Variants in RUVBL1 observed in about 807,000 individuals in gnomAD.
The protein encoded by RUVBL1 is ruvB-like 1.
In RUVBL1, 4 loss-of-function variants were observed where a neutral mutation model predicts 52.4. That is an observed-to-expected ratio of 0.08 (90% CI 0.04 to 0.17). The LOEUF is 0.17. RUVBL1 is among the 10% of genes least tolerant of loss of function. RUVBL1 has a pLI of 1.00. For synonymous variants in RUVBL1, 217 were observed against 214.4 expected (o/e 1.01, Z -0.10); for missense variants, 298 against 572.8 (o/e 0.52, Z 4.90).
intron 1 of RUVBL1, 26 bp from the exon 2 acceptor site, chr3:128,119,440 A>G: frequency 1.3e-6 from 2 of 1,568,142 alleles, no homozygotes; most frequent in Non-Finnish European, 1.8e-6. Context: ...GAAAGAAATA[A>G]TAAATCAATA....
intron 1 of RUVBL1, among the ~76,000 whole-genome samples, chr3:128,143,441 G>C (rs368825072): frequency 5.3e-5 from 8 of 152,164 alleles, no homozygotes; most frequent in Admixed American, 2.0e-4. Context: ...AAAGTGCTGG[G>C]ATTACAGGCG....
At chr3:128,080,102 T>C (rs530950074), downstream of RUVBL1, among the ~76,000 whole-genome samples, 1 of 152,340 alleles carries the variant, frequency 6.6e-6, no homozygotes, top group East Asian at 1.9e-4. Flanking sequence ...CACTTGCCCT[T>C]GCTGCTTACT....
At chr3:128,118,188 T>C (rs1262446030) in intron 2 of RUVBL1, among the ~76,000 whole-genome samples, 1 of 152,214 alleles carries the variant, frequency 6.6e-6, no homozygotes, top group African/African-American at 2.4e-5. Flanking sequence ...GACAAGCTAA[T>C]GTTGCCTGGA....
intron 3 of RUVBL1, among the ~76,000 whole-genome samples, chr3:128,105,859 C>CCT (rs796203012): frequency 7.2e-6 from 1 of 138,134 alleles, no homozygotes; most frequent in African/African-American, 2.7e-5. Flanking sequence ...CTTTCTTTCC[C>CCT]TTTTTCTTTT....
exon 1 of RUVBL1, chr3:128,153,569 C>A: frequency 6.5e-7 from 1 of 1,541,102 alleles, no homozygotes; most frequent in East Asian, 2.5e-5. Flanking sequence ...AGCGGCAAGA[C>A]GGCGCTGGCG....
At chr3:128,089,814 G>T (rs897658940) in intron 8 of RUVBL1, among the ~76,000 whole-genome samples, 1 of 147,298 alleles carries the variant, frequency 6.8e-6, no homozygotes, top group African/African-American at 2.5e-5. Context: ...GGAAGCTAAG[G>T]CATGAGAATC....
At chr3:128,078,374 AG>A (rs1174128462), downstream of RUVBL1, among the ~76,000 whole-genome samples, 1 of 152,362 alleles carries the variant, frequency 6.6e-6, no homozygotes, top group East Asian at 1.9e-4. Context: ...TGAGAAAATG[AG>A]GCAGGGCACA....
chr3:128,098,945 C>G lies in RUVBL1; in HGVS notation c.754G>C (p.Gly252Arg), dbSNP rs1344459408. ...DLDVANARPQ[G>R]GQDILSMMGQ... ...ATCATGGACAGGATATCTTGTCCCC[C>G]CTGCATAAGAGAAGACTTAGAGTCA... The change falls in exon 7 of 11, where the codon GGG (glycine) becomes CGG (arginine). Residue 252 changes from glycine to arginine, a missense_variant and splice_region_variant. By Grantham distance (125) the Gly-to-Arg change is moderately radical. Coordinates refer to ENST00000322623, the MANE Select transcript of RUVBL1 (RefSeq NM_003707.3). The G allele has an allele frequency of 6.2e-7, 1 of 1,613,324 alleles. No individual in the cohort carries two copies. Among genetic ancestry groups the G allele is most frequent in the Admixed American group, 1.7e-5 (1 of 60,022 alleles).
intron 9 of RUVBL1, among the ~76,000 whole-genome samples, chr3:128,085,835 C>A (rs1017168918): frequency 3.9e-5 from 6 of 152,190 alleles, no homozygotes; most frequent in African/African-American, 1.4e-4. Context: ...CCTCATGAAT[C>A]CTAATGACAA....
intron 1 of RUVBL1, among the ~76,000 whole-genome samples, chr3:128,146,503 C>G (rs534077391): frequency 7.0e-6 from 1 of 142,506 alleles, no homozygotes; most frequent in Non-Finnish European, 1.5e-5. Context: ...GCTGTGAGCA[C>G]GTGTGTGTGC....
At chr3:128,075,132 G>C (rs1172559944) in intron 9 of RUVBL1, 1 of 152,198 alleles carries the variant, frequency 6.6e-6, no homozygotes, top group Non-Finnish European at 1.5e-5. Flanking sequence ...AGTGGAAAGA[G>C]CAAGGTCCTA....
At chr3:128,074,701 G>A (rs1241143352) in intron 9 of RUVBL1, among the ~76,000 whole-genome samples, 2 of 151,966 alleles carry the variant, frequency 1.3e-5, no homozygotes, top group African/African-American at 4.8e-5. Context: ...AATTAGCTGG[G>A]TGTGGTGGCA....
intron 9 of RUVBL1, among the ~76,000 whole-genome samples, chr3:128,073,286 GC>G (rs1942222011): frequency 6.6e-6 from 1 of 152,100 alleles, no homozygotes; most frequent in Admixed American, 6.5e-5. Context: ...CTGGCACTCC[GC>G]TCCATCCATG....
intron 1 of RUVBL1, among the ~76,000 whole-genome samples, chr3:128,150,814 TTATATATTC>T (rs1414516534): frequency 1.1e-5 from 1 of 91,004 alleles, no homozygotes; most frequent in Non-Finnish European, 2.0e-5. Context: ...ATTCTATATA[TTATATATTC>T]TATATATTAT....
At chr3:128,076,599 C>T (rs1233443099), downstream of RUVBL1, among the ~76,000 whole-genome samples, 1 of 152,138 alleles carries the variant, frequency 6.6e-6, no homozygotes, top group Non-Finnish European at 1.5e-5. The surrounding 1 kb of genome is among the most constrained non-coding windows in gnomAD (Gnocchi z 6.8). Flanking sequence ...AGGCAGGGAT[C>T]GCGGTGGGGA....
chr3:128,075,477 AT>A (rs1301579483), intron 9 of RUVBL1, among the ~76,000 whole-genome samples: 3 of 151,998 alleles, frequency 2.0e-5, no homozygotes, highest in Non-Finnish European at 4.4e-5. Context: ...GTGTATGCAC[AT>A]TTTTTTTAAT....
At chr3:128,065,125 G>A (rs1243164000) in exon 10 of RUVBL1, 9 of 1,317,576 alleles carry the variant, frequency 6.8e-6, no homozygotes, top group South Asian at 2.3e-5. Flanking sequence ...TCTGTGGGGT[G>A]CACTGTCATC....
At chr3:128,128,151 A>AT (rs954679083), upstream of RUVBL1, among the ~76,000 whole-genome samples, 6 of 151,940 alleles carry the variant, frequency 3.9e-5, no homozygotes, top group East Asian at 7.8e-4. Flanking sequence ...CACCCAGCTA[A>AT]TTTTTTCTAT....
chr3:128,135,331 G>C (rs1275254884), intron 1 of RUVBL1, among the ~76,000 whole-genome samples: 2 of 152,154 alleles, frequency 1.3e-5, no homozygotes, highest in East Asian at 1.9e-4. Context: ...TCAGGAGTTC[G>C]AGACCAGCCT....
Sources: gnomAD v4.1 joint callset for allele counts (sites outside exome capture counted in the v4.1 genomes callset) on GRCh38, gnomAD v4.1.1 for gene constraint, Gnocchi (gnomAD v3.1) non-coding constraint, MANE v1.5 for transcripts, NCBI Gene and HGNC (gene_info 2026-07-23, HGNC 2026-07-21) for gene names.